The following CCDC15 variants were observed in gnomAD, a reference collection of about 807,000 sequenced individuals.
The protein encoded by CCDC15 is coiled-coil domain containing 15.
In CCDC15, 105 loss-of-function variants were observed where a neutral mutation model predicts 114.5. The ratio of observed to expected loss-of-function variants is 0.92; its 90% CI spans 0.78 to 1.08. CCDC15 has a LOEUF of 1.08. Ranked by LOEUF, CCDC15 falls within the 50% of genes least tolerant of loss-of-function variation. The probability of loss-of-function intolerance (pLI) is 0.00; values close to 1 mark genes in which losing one functional copy is unlikely to be tolerated. For synonymous variants in CCDC15, 334 were observed against 377.8 expected, an observed-to-expected ratio of 0.88 and a Z score of 1.34; for missense variants, 1,105 against 1,093.6, an observed-to-expected ratio of 1.01 and a Z score of -0.15.
At chr11:124,956,439 T>G (rs1947550617) in intron 2 of CCDC15, among the ~76,000 whole-genome samples, 1 of 151,056 alleles carries the variant, frequency 6.6e-6, no homozygotes. Context: ...AGACCCCATC[T>G]CTGGAAAAAA....
intron 4 of CCDC15, among the ~76,000 whole-genome samples, chr11:124,972,127 G>A (rs1947894988): frequency 6.6e-6 from 1 of 151,954 alleles, no homozygotes; most frequent in Non-Finnish European, 1.5e-5. Context: ...TTTTTCATTT[G>A]CTAGGTTTTC....
intron 13 of CCDC15, among the ~76,000 whole-genome samples, chr11:125,014,010 C>T (rs992073395): frequency 7.9e-5 from 12 of 151,996 alleles, no homozygotes. Flanking sequence ...TCTAAGAAAA[C>T]ATGAAGGCTA....
At chr11:125,010,091 A>G (rs997532966) in intron 13 of CCDC15, among the ~76,000 whole-genome samples, 3 of 152,164 alleles carry the variant, frequency 2.0e-5, no homozygotes, top group Non-Finnish European at 4.4e-5. Context: ...GAACTAACAA[A>G]CCGCTTTCCA....
At chr11:125,005,867 C>A (rs1214149151) in intron 13 of CCDC15, among the ~76,000 whole-genome samples, 1 of 152,070 alleles carries the variant, frequency 6.6e-6, no homozygotes, top group Admixed American at 6.6e-5. Flanking sequence ...ATGTACGTTT[C>A]CTCTAATGCT....
At position 124,992,606 on chromosome 11, in the gene CCDC15, AAG is replaced by A. The variant is rs1446968621; in HGVS notation, c.2061_2062del (p.Arg687SerfsTer16). 3 of 1,598,924 alleles carry A rather than the reference AAG, an allele frequency of 1.9e-6. No homozygotes were observed. Among genetic ancestry groups the A allele is most frequent in the Non-Finnish European group, 2.6e-6 (3 of 1,172,096 alleles). ...QQPASFMREE[R>X]VREELPLDYH... ...AACCTGCATCTTTTATGAGAGAAGA[AAG>A]AGTGAGAGAAGAATTGCCTCTGGAC... On this transcript the variant is annotated frameshift_variant, in exon 10 of 16. Coordinates refer to ENST00000344762, the MANE Select transcript of CCDC15 (RefSeq NM_025004.3). LOFTEE classifies it high-confidence loss of function.
At chr11:124,972,571 T>G (rs1303534434) in intron 4 of CCDC15, among the ~76,000 whole-genome samples, 9 of 152,222 alleles carry the variant, frequency 5.9e-5, no homozygotes, top group Non-Finnish European at 4.4e-5. Flanking sequence ...TTCTGGTGGC[T>G]GCTGTAACAC....
chr11:124,996,610 C>T (rs1321894292), intron 11 of CCDC15, among the ~76,000 whole-genome samples: 1 of 152,188 alleles, frequency 6.6e-6, no homozygotes, highest in African/African-American at 2.4e-5. Flanking sequence ...GTTAAGTACA[C>T]TCACATTGTT....
chr11:124,969,372 A>G (rs1947841009), intron 4 of CCDC15, among the ~76,000 whole-genome samples: 1 of 152,126 alleles, frequency 6.6e-6, no homozygotes, highest in Admixed American at 6.5e-5. Flanking sequence ...TAGGACTGAT[A>G]TTTATCTTTA....
At chr11:124,986,087 G>T (rs541125927) in intron 6 of CCDC15, among the ~76,000 whole-genome samples, 2 of 152,222 alleles carry the variant, frequency 1.3e-5, no homozygotes, top group Admixed American at 1.3e-4. Context: ...GTGTCTAGTT[G>T]TCTCAGCATC....
chr11:125,037,564 CTCCATCTCTTCAA>C (rs1263297495), intron 13 of CCDC15: 1 of 152,270 alleles, frequency 6.6e-6, no homozygotes, highest in African/African-American at 2.4e-5. Flanking sequence ...GCACTCTTAA[CTCCATCTCTTCAA>C]TTCTTAGAGC....
At chr11:125,000,683 T>G (rs911051106) in intron 11 of CCDC15, among the ~76,000 whole-genome samples, 1 of 152,226 alleles carries the variant, frequency 6.6e-6, no homozygotes, top group Non-Finnish European at 1.5e-5. Context: ...ATTAACATTT[T>G]GCTGTATAGA....
At position 124,987,430 on chromosome 11, in the gene CCDC15, G is replaced by T. The variant is rs768781619; in HGVS notation, c.1204G>T (p.Glu402Ter). 6.2e-7 allele frequency: 1 copy of T among 1,613,972 alleles called. No homozygotes were observed. The highest frequency in any genetic ancestry group is 1.1e-5 in the South Asian group (1 of 91,088). The change falls in exon 8 of 16, where the codon GAA (glutamate) becomes TAA (stop). Residue 402 changes from glutamate to a stop codon, truncating the protein, a stop_gained. Transcript: ENST00000344762. LOFTEE classifies it high-confidence loss of function. ...MLKAQSIELEEGSIVLKTQDF... is the reference protein window; with the variant it reads ...MLKAQSIELE ...GAAAGCCCAGAGTATTGAGCTAGAAGAAGGGAGTATTGTGTTGAAAACCCA... is the reference window on the plus strand; with the variant it reads ...GAAAGCCCAGAGTATTGAGCTAGAATAAGGGAGTATTGTGTTGAAAACCCA...
chr11:125,035,296 T>TTCAATCAATGTCAA (rs1234865172), intron 13 of CCDC15, among the ~76,000 whole-genome samples: 2 of 152,132 alleles, frequency 1.3e-5, no homozygotes, highest in East Asian at 3.9e-4. Context: ...CATCCTTCAA[T>TTCAATCAATGTCAA]TCAATCAAGT....
chr11:125,020,569 A>C (rs1198405348), intron 13 of CCDC15, among the ~76,000 whole-genome samples: 1 of 152,004 alleles, frequency 6.6e-6, no homozygotes, highest in Non-Finnish European at 1.5e-5. Flanking sequence ...ACCTGTTTGC[A>C]GTCTTTTATA....
chr11:124,978,827 T>G (rs907769763), intron 6 of CCDC15, among the ~76,000 whole-genome samples: 19 of 152,070 alleles, frequency 1.2e-4, no homozygotes, highest in African/African-American at 4.1e-4. Context: ...CATTTTTTTT[T>G]TTGTTGCAGT....
chr11:124,986,700 T>TGCGTGC, intron 6 of CCDC15, 42 bp from the exon 7 acceptor site: 1 of 1,351,588 alleles, frequency 7.4e-7, no homozygotes, highest in Non-Finnish European at 9.9e-7. Flanking sequence ...TTTGTGTGTG[T>TGCGTGC]GCGCGCGCGC....
rs1948789979 is a variant in CCDC15, at chr11:125,038,370, G to T, written c.2412-61G>T. ...AATTTCTGGGAGTTATTTGGATAAA[G>T]AAGCTAATTTTAAATAATAATTTTA... On this transcript the variant is annotated intron_variant, in intron 13 of 15. Transcript: ENST00000344762. 4.5e-6 allele frequency: 5 copies of T among 1,107,406 alleles called. No individual in the cohort carries two copies. The African/African-American group carries it at 8.2e-5, about 18-fold the overall frequency. The allele number at this position is 1,107,406 out of a possible 1,614,324, so 68.6% of individuals were successfully genotyped here.
chr11:125,038,386 A>G (rs1202781446), intron 13 of CCDC15, 45 bp from the exon 14 acceptor site: 2 of 1,223,808 alleles, frequency 1.6e-6, no homozygotes, highest in Admixed American at 7.0e-5. Context: ...AATTTTAAAT[A>G]ATAATTTTAT....
intron 13 of CCDC15, among the ~76,000 whole-genome samples, chr11:125,009,708 C>T (rs567918242): frequency 2.0e-5 from 3 of 152,166 alleles, no homozygotes; most frequent in South Asian, 2.1e-4. Context: ...TTTGTGTCTA[C>T]GTGTACCTAA....
Sources: allele counts gnomAD v4.1 joint callset (sites outside exome capture counted in the v4.1 genomes callset), GRCh38; gene constraint gnomAD v4.1.1; transcripts MANE v1.5; gene names NCBI Gene and HGNC (gene_info 2026-07-23, HGNC 2026-07-21).